The following CACNA1C variants were observed in gnomAD, a reference collection of about 807,000 sequenced individuals.
CACNA1C encodes voltage-dependent L-type calcium channel subunit alpha-1C.
A neutral mutation model predicts 229.0 loss-of-function variants in CACNA1C; 30 were observed. The observed-to-expected ratio is 0.13, with a 90% CI of 0.10 to 0.18. CACNA1C has a LOEUF of 0.18. Ranked by LOEUF, CACNA1C falls within the 10% of genes least tolerant of loss-of-function variation. CACNA1C has a pLI of 1.00. For synonymous variants in CACNA1C, 1,114 were observed against 1,132.5 expected (o/e 0.98, Z 0.33); for missense variants, 1,658 against 2,845.0 (o/e 0.58, Z 9.49).
intron 34 of CACNA1C, among the ~76,000 whole-genome samples, chr12:2,661,371 G>T (rs2095730777): frequency 6.6e-6 from 1 of 150,720 alleles, no homozygotes; most frequent in African/African-American, 2.4e-5. Context: ...AGAAGACAGA[G>T]AACATCATGA....
intron 5 of CACNA1C, among the ~76,000 whole-genome samples, chr12:2,463,430 A>G (rs2099529124): frequency 1.3e-5 from 2 of 152,224 alleles, no homozygotes; most frequent in South Asian, 4.1e-4. Context: ...GAGAGCTTGA[A>G]GTGTAGTAGA....
intron 3 of CACNA1C, among the ~76,000 whole-genome samples, chr12:2,226,665 C>T (rs891528496): frequency 2.6e-5 from 4 of 152,212 alleles, no homozygotes; most frequent in Non-Finnish European, 5.9e-5. Context: ...GTTTCCTCCA[C>T]GGAGACTCAC....
chr12:2,302,831 G>A (rs2094677142), intron 3 of CACNA1C, among the ~76,000 whole-genome samples: 1 of 152,198 alleles, frequency 6.6e-6, no homozygotes, highest in Non-Finnish European at 1.5e-5. Context: ...TTGTCTCTCT[G>A]CCCTCTGTGT....
Position 2,180,650 on chromosome 12 carries a change from T to C in CACNA1C, c.477+60220T>C, listed in dbSNP as rs75568538. On this transcript the variant is annotated intron_variant, in intron 3 of 46. Transcript: ENST00000399655. ...GCGCTGCGTTCTAGAACATTTTTGC[T>C]GATAGGGAGGCCGTAAAGTGAGGGG... is the stretch of plus-strand genomic sequence containing the variant. Among the ~76,000 whole-genome samples, 388 of 152,286 alleles carry C rather than the reference T, an allele frequency of 2.5e-3. 1 individual carries two copies. Among genetic ancestry groups the C allele is most frequent in the African/African-American group, 9.2e-3 (384 of 41,526 alleles).
Position 2,585,954 on chromosome 12 carries a change from C to G in CACNA1C, c.2530+50C>G. ...GGATTGGGAGATTGGGGGCAGAGAT[C>G]TAAATTCTAAAGCCACGTGGGAGTG... On this transcript the variant is annotated intron_variant, in intron 18 of 46. Transcript: ENST00000399655. The surrounding 1 kb of genome is among the most constrained non-coding windows in gnomAD (Gnocchi z 4.1). 8.2e-7 allele frequency: 1 copy of G among 1,215,204 alleles called. No homozygotes were observed. 75.3% of individuals were successfully genotyped at this position (1,215,204 alleles called of 1,614,324 possible).
chr12:2,643,272 A>G lies in CACNA1C; in HGVS notation c.3913-5203A>G, dbSNP rs190604589. Among the ~76,000 whole-genome samples the G allele has an allele frequency of 5.3e-5, 8 of 152,344 alleles. No homozygotes were observed. In the East Asian group the frequency reaches 1.5e-3, roughly 29 times the overall value. On this transcript the variant is annotated intron_variant, in intron 30 of 46. Transcript: ENST00000399655. ...CGACCTGGGGGTGGTGGCCCGGGACAGAGTCCTTTCCATGGTCCCTGTCCA... is the reference window on the plus strand; with the variant it reads ...CGACCTGGGGGTGGTGGCCCGGGACGGAGTCCTTTCCATGGTCCCTGTCCA...
chr12:2,552,016 G>A (rs2041535343), intron 10 of CACNA1C, among the ~76,000 whole-genome samples: 1 of 152,206 alleles, frequency 6.6e-6, no homozygotes, highest in African/African-American at 2.4e-5. Context: ...AGGACGGGTT[G>A]TTCAGAGTGA....
rs183257199 is a variant in CACNA1C at position 2,590,591 on chromosome 12, T to C, written c.2531-2622T>C. 3.9e-4 allele frequency among the ~76,000 whole-genome samples: 60 copies of C among 152,272 alleles called. 2 individuals carry two copies. The highest frequency in any genetic ancestry group is 1.4e-3 in the African/African-American group (59 of 41,552). ...CCTTCAGAAATCGTTTCCTCTTAAG[T>C]ACTGTGCCTGAGGTTCAGCTGCTGT... On this transcript the variant is annotated intron_variant, in intron 18 of 46. Transcript: ENST00000399655.
At chr12:2,546,025 A>G (rs1354827029) in intron 9 of CACNA1C, among the ~76,000 whole-genome samples, 1 of 152,248 alleles carries the variant, frequency 6.6e-6, no homozygotes, top group Non-Finnish European at 1.5e-5. Context: ...TCTCCCGTGC[A>G]GTGGCTGGTG....
At chr12:2,327,673 G>A (rs976555324) in intron 3 of CACNA1C, among the ~76,000 whole-genome samples, 3 of 152,202 alleles carry the variant, frequency 2.0e-5, no homozygotes, top group African/African-American at 7.2e-5. Context: ...GTGGTTGGTT[G>A]ACAAATGACT....
At position 2,410,655 on chromosome 12, in the gene CACNA1C, G is replaced by T. The variant is rs147835061; in HGVS notation, c.478-38321G>T. 2.0e-5 allele frequency among the ~76,000 whole-genome samples: 3 copies of T among 149,948 alleles called. No homozygotes were observed. Among genetic ancestry groups the T allele is most frequent in the Non-Finnish European group, 4.4e-5 (3 of 67,620 alleles). On this transcript the variant is annotated intron_variant, in intron 3 of 46. Transcript: ENST00000399655. The surrounding 1 kb of genome is among the most constrained non-coding windows in gnomAD (Gnocchi z 5.3). ...TGTGTGTGTGTGTGTGTGCATGCGTGTGTGTGTTCCAGGAGCTGACTCTAG... is the reference window on the plus strand; with the variant it reads ...TGTGTGTGTGTGTGTGTGCATGCGTTTGTGTGTTCCAGGAGCTGACTCTAG...
rs1030185881 is a variant in CACNA1C at position 1,971,247 on chromosome 12, A to G, written c.139+46A>G. 15 of 1,067,078 alleles carry G rather than the reference A, an allele frequency of 1.4e-5. No individual in the cohort carries two copies. Among genetic ancestry groups the G allele is most frequent in the Non-Finnish European group, 1.9e-5 (15 of 789,306 alleles). 66.1% of individuals were successfully genotyped at this position (1,067,078 alleles called of 1,614,324 possible). A position where few individuals can be genotyped will look rare whatever the true frequency, so the allele number is the denominator to read the frequency against. ...ATAAAGAGTAGGAAGAACATGTTGA[A>G]ATTTACTCTAAATATCCTAATGATA... On this transcript the variant is annotated intron_variant, in intron 1 of 46. Transcript: ENST00000682462. The surrounding 1 kb of genome is among the most constrained non-coding windows in gnomAD (Gnocchi z 4.2).
At position 2,215,847 on chromosome 12, in the gene CACNA1C, G is replaced by A. The variant is rs939685044; in HGVS notation, c.477+95417G>A. Among the ~76,000 whole-genome samples, 4 of 152,210 alleles carry A rather than the reference G, an allele frequency of 2.6e-5. No individual in the cohort carries two copies. The highest frequency in any genetic ancestry group is 9.7e-5 in the African/African-American group (4 of 41,446). ...GCCTGCCTGGGGAGCAGCTGATGGC[G>A]AATCTGTGTCCTAGAACACGCCCTG... On this transcript the variant is annotated intron_variant, in intron 3 of 46. Coordinates refer to ENST00000399655, the MANE Select transcript of CACNA1C (RefSeq NM_000719.7). This position sits in a 1 kb window ranked among gnomAD's most constrained non-coding sequence, Gnocchi z 5.0.
At chr12:2,650,082 C>G (rs1431877315) in intron 31 of CACNA1C, among the ~76,000 whole-genome samples, 1 of 152,122 alleles carries the variant, frequency 6.6e-6, no homozygotes, top group East Asian at 1.9e-4. Context: ...CTGTCCCCTG[C>G]CTTGAGGGGA....
intron 3 of CACNA1C, among the ~76,000 whole-genome samples, chr12:2,289,868 A>G (rs2093275412): frequency 6.6e-6 from 1 of 152,202 alleles, no homozygotes; most frequent in African/African-American, 2.4e-5. Context: ...ATAAGAGGAA[A>G]TTCGCGTCAA....
intron 3 of CACNA1C, among the ~76,000 whole-genome samples, chr12:2,411,880 A>C (rs2098811092): frequency 6.6e-6 from 1 of 152,120 alleles, no homozygotes; most frequent in Non-Finnish European, 1.5e-5. Flanking sequence ...TCATTTGGGG[A>C]GAGAAGTCGG....
intron 22 of CACNA1C, among the ~76,000 whole-genome samples, chr12:2,604,655 C>T (rs2074420972): frequency 6.6e-6 from 1 of 152,216 alleles, no homozygotes; most frequent in Admixed American, 6.5e-5. Context: ...GAGCTGATTA[C>T]AGACCCATTT....
upstream of CACNA1C, among the ~76,000 whole-genome samples, chr12:2,051,224 A>G (rs2052134091): frequency 6.6e-6 from 1 of 152,180 alleles, no homozygotes; most frequent in South Asian, 2.1e-4. Context: ...GGCAGTGGGA[A>G]TAGCTAGAGC....
At chr12:2,123,307 C>A (rs1039682272) in intron 3 of CACNA1C, among the ~76,000 whole-genome samples, 1 of 131,036 alleles carries the variant, frequency 7.6e-6, no homozygotes, top group African/African-American at 2.9e-5. Context: ...ACGTGGGAGG[C>A]GGAGCTTGCA....
Sources: gnomAD v4.1 joint callset for allele counts (sites outside exome capture counted in the v4.1 genomes callset) on GRCh38, gnomAD v4.1.1 for gene constraint, Gnocchi (gnomAD v3.1) non-coding constraint, MANE v1.5 for transcripts, NCBI Gene and HGNC (gene_info 2026-07-23, HGNC 2026-07-21) for gene names.